MEIS2: variants seen among roughly 807,000 people sequenced by gnomAD.
MEIS2 encodes the protein Meis homeobox 2.
A neutral mutation model predicts 58.6 loss-of-function variants in MEIS2; 9 were observed. The observed-to-expected ratio is 0.15, with a 90% CI of 0.09 to 0.27. The LOEUF (loss-of-function observed/expected upper bound fraction) is 0.27. MEIS2 is among the 10% of genes least tolerant of loss of function. The pLI, the probability that MEIS2 is intolerant of heterozygous loss-of-function variation, is 1.00. For missense variants in MEIS2, 427 were observed against 635.0 expected, an observed-to-expected ratio of 0.67 and a Z score of 3.52; for synonymous variants, 221 against 228.4, an observed-to-expected ratio of 0.97 and a Z score of 0.29.
intron 8 of MEIS2, among the ~76,000 whole-genome samples, chr15:37,025,953 A>G (rs1343106791): frequency 6.6e-6 from 1 of 152,176 alleles, no homozygotes; most frequent in African/African-American, 2.4e-5. Flanking sequence ...TTTGCTACAC[A>G]GTTCTAAATT....
At chr15:36,990,517 A>G (rs939624124) in intron 8 of MEIS2, among the ~76,000 whole-genome samples, 1 of 152,184 alleles carries the variant, frequency 6.6e-6, no homozygotes, top group African/African-American at 2.4e-5. Context: ...GCATATCTGG[A>G]AACATTTTAT....
In MEIS2 at chr15:36,935,386, A is replaced by AT. The variant is rs549051943; in HGVS notation, c.977+14937dup. Among the ~76,000 whole-genome samples the AT allele has an allele frequency of 2.6e-4, 39 of 150,676 alleles. No homozygotes were observed. The South Asian group carries it at 3.3e-3, about 13-fold the overall frequency. On this transcript the variant is annotated intron_variant, in intron 9 of 11. Transcript: ENST00000561208. ...CTTGTTGAGGTTCCTTAAATGTTGC[A>AT]TTTTTTTTTAATTACAAATATCCAT...
chr15:36,967,002 T>C (rs2059379645), intron 8 of MEIS2, among the ~76,000 whole-genome samples: 1 of 152,134 alleles, frequency 6.6e-6, no homozygotes, highest in African/African-American at 2.4e-5. Flanking sequence ...CTGTGGGTCA[T>C]GTTAAAGGAT....
At chr15:36,893,151 T>C (rs1478749046) in intron 11 of MEIS2, among the ~76,000 whole-genome samples, 1 of 152,248 alleles carries the variant, frequency 6.6e-6, no homozygotes, top group Non-Finnish European at 1.5e-5. Flanking sequence ...AAATTCTCAA[T>C]TGAGATATGC....
intron 8 of MEIS2, among the ~76,000 whole-genome samples, chr15:37,006,687 A>C (rs2060934992): frequency 1.3e-5 from 2 of 152,248 alleles, no homozygotes; most frequent in South Asian, 4.1e-4. Flanking sequence ...CTAGAGATGC[A>C]GAACTGTTCG....
At chr15:37,098,283 G>C (rs1048832595) in intron 1 of MEIS2, 84 bp from the exon 2 acceptor site, 47 of 1,442,444 alleles carry the variant, frequency 3.3e-5, no homozygotes, top group Non-Finnish European at 4.2e-5. Context: ...AGAGCAGGGA[G>C]AAGAGGGCGA....
chr15:37,048,153 A>T (rs2062758520), intron 7 of MEIS2, among the ~76,000 whole-genome samples: 1 of 152,140 alleles, frequency 6.6e-6, no homozygotes, highest in Non-Finnish European at 1.5e-5. Flanking sequence ...CGTTTATATA[A>T]AACACATTTT....
chr15:37,084,928 G>C (rs4453431), intron 6 of MEIS2, among the ~76,000 whole-genome samples: 5,422 of 152,248 alleles, frequency 0.036, 129 homozygotes, highest in East Asian at 0.061. Context: ...ACCTGCATAT[G>C]ACGACTTCAA....
At chr15:37,051,919 A>G (rs950867932) in intron 7 of MEIS2, among the ~76,000 whole-genome samples, 3 of 152,188 alleles carry the variant, frequency 2.0e-5, no homozygotes, top group African/African-American at 7.2e-5. Context: ...TACAAAAAAT[A>G]TCTCCATTGT....
intron 7 of MEIS2, among the ~76,000 whole-genome samples, chr15:37,037,906 C>A (rs995922649): frequency 6.6e-6 from 1 of 152,128 alleles, no homozygotes; most frequent in East Asian, 1.9e-4. Context: ...AAACAAGATC[C>A]GACTTGTGGC....
intron 8 of MEIS2, among the ~76,000 whole-genome samples, chr15:36,951,239 T>C (rs989868102): frequency 1.5e-4 from 23 of 152,180 alleles, no homozygotes; most frequent in African/African-American, 5.3e-4. Context: ...GATTGTTAGT[T>C]TAGACCCATA....
intron 9 of MEIS2, among the ~76,000 whole-genome samples, chr15:36,907,905 G>C (rs1372164077): frequency 1.4e-5 from 2 of 142,062 alleles, no homozygotes; most frequent in Non-Finnish European, 3.0e-5. Flanking sequence ...GTTTATACTG[G>C]CATCTAGTAA....
In MEIS2 at chr15:36,924,378, A is replaced by T. The variant is rs79832927; in HGVS notation, c.977+25946T>A. Among the ~76,000 whole-genome samples the T allele has an allele frequency of 4.6e-3, 695 of 152,352 alleles. 3 individuals are homozygous for T. The highest frequency in any genetic ancestry group is 7.0e-3 in the Non-Finnish European group (479 of 68,022). ...GATCGCGGTCATGAACATTTCTTGC[A>T]GAGTTCCCTTTCACCAAATCAGTCC... On this transcript the variant is annotated intron_variant, in intron 9 of 11. Coordinates refer to ENST00000561208, the MANE Select transcript of MEIS2 (RefSeq NM_170675.5).
At chr15:37,080,147 T>C (rs1218536346) in intron 7 of MEIS2, among the ~76,000 whole-genome samples, 2 of 152,168 alleles carry the variant, frequency 1.3e-5, no homozygotes, top group African/African-American at 4.8e-5. Context: ...TAAGACAATT[T>C]ATTTCATATT....
chr15:36,899,325 G>T (rs543508659), intron 9 of MEIS2, among the ~76,000 whole-genome samples: 1 of 152,120 alleles, frequency 6.6e-6, no homozygotes, highest in African/African-American at 2.4e-5. Flanking sequence ...TTAATGAGCT[G>T]ACTGTAAGAA....
intron 8 of MEIS2, among the ~76,000 whole-genome samples, chr15:37,022,798 A>G (rs1220582402): frequency 2.0e-5 from 3 of 152,066 alleles, no homozygotes; most frequent in Non-Finnish European, 4.4e-5. Flanking sequence ...CTGGGACTAC[A>G]GGCGCCTGCC....
At chr15:36,910,967 C>T (rs565513619) in intron 9 of MEIS2, among the ~76,000 whole-genome samples, 12 of 151,712 alleles carry the variant, frequency 7.9e-5, no homozygotes, top group Admixed American at 2.0e-4. Context: ...ATGGCTTGAG[C>T]CCGGGAGGCG....
intron 7 of MEIS2, among the ~76,000 whole-genome samples, chr15:37,059,046 A>G (rs1329449807): frequency 1.3e-5 from 2 of 152,236 alleles, no homozygotes; most frequent in African/African-American, 4.8e-5. Flanking sequence ...ATGACCAACA[A>G]TCTACATAGT....
chr15:36,931,303 GCACAACCTTGATGGGTGTACTACTGTAT>G (rs2057968404), intron 9 of MEIS2, among the ~76,000 whole-genome samples: 1 of 152,152 alleles, frequency 6.6e-6, no homozygotes, highest in Non-Finnish European at 1.5e-5. Context: ...GTACAGAATA[GCACAACCTTGATGGGTGTACTACTGTAT>G]CTGAGGCTGA....
Sources: allele counts gnomAD v4.1 joint callset (sites outside exome capture counted in the v4.1 genomes callset), GRCh38; gene constraint gnomAD v4.1.1; transcripts MANE v1.5; gene names NCBI Gene and HGNC (gene_info 2026-07-23, HGNC 2026-07-21).